The following C1orf21 variants were observed in gnomAD, a reference collection of about 807,000 sequenced individuals.
C1orf21 encodes chromosome 1 open reading frame 21.
In C1orf21, 3 loss-of-function variants were observed where a neutral mutation model predicts 18.7. The ratio of observed to expected loss-of-function variants is 0.16; its 90% confidence interval spans 0.07 to 0.42. The LOEUF is 0.42. C1orf21 is among the 10% of genes least tolerant of loss of function. The pLI, the probability that C1orf21 is intolerant of heterozygous loss-of-function variation, is 0.99. For missense variants in C1orf21, 104 were observed against 143.6 expected (o/e 0.72, Z 1.41); for synonymous variants, 41 against 46.4 (o/e 0.88, Z 0.47).
At chr1:184,422,144 G>T (rs1009968155) in intron 1 of C1orf21, among the ~76,000 whole-genome samples, 2 of 152,162 alleles carry the variant, frequency 1.3e-5, no homozygotes, top group African/African-American at 4.8e-5. Flanking sequence ...AGAGTATCAG[G>T]CAGAAAAAGG....
chr1:184,610,333 A>G (rs1172707767), intron 5 of C1orf21, among the ~76,000 whole-genome samples: 2 of 152,222 alleles, frequency 1.3e-5, no homozygotes, highest in African/African-American at 4.8e-5. Flanking sequence ...CAGTGAGACC[A>G]TATGGAATGG....
intron 1 of C1orf21, chr1:184,412,298 T>A (rs960977647): frequency 6.6e-6 from 1 of 152,252 alleles, no homozygotes; most frequent in Non-Finnish European, 1.5e-5. Flanking sequence ...AGGGATAGAT[T>A]ACAGACTCAG....
chr1:184,498,596 G>A (rs1246260529), intron 2 of C1orf21, among the ~76,000 whole-genome samples: 1 of 152,160 alleles, frequency 6.6e-6, no homozygotes, highest in African/African-American at 2.4e-5. Context: ...AACAACTCAT[G>A]TTTTAGGTCC....
intron 2 of C1orf21, among the ~76,000 whole-genome samples, chr1:184,480,664 T>G (rs1294709370): frequency 6.6e-6 from 1 of 152,216 alleles, no homozygotes; most frequent in African/African-American, 2.4e-5. Context: ...GAGCGAGGTC[T>G]GGCATAAAGA....
rs1359237407 is a variant in C1orf21, at chr1:184,410,620, T to TGGCA, written c.-125+23252_-125+23253insGGCA. Among the ~76,000 whole-genome samples, 4 of 4,394 alleles carry TGGCA rather than the reference T, an allele frequency of 9.1e-4. 1 individual carries two copies. The African/African-American group carries it at 0.021, about 23-fold the overall frequency. The allele number at this position is 4,394 out of a possible 152,430, so 2.9% of individuals were successfully genotyped here. On this transcript the variant is annotated intron_variant, in intron 1 of 5. Transcript: ENST00000235307. ...AAAGATTAATTTGCCATATATATTA[T>TGGCA]ATATATATATATATATATATATATA... is the stretch of plus-strand genomic sequence containing the variant.
At chr1:184,410,237 T>C (rs1378420570) in intron 1 of C1orf21, among the ~76,000 whole-genome samples, 1 of 152,164 alleles carries the variant, frequency 6.6e-6, no homozygotes, top group Non-Finnish European at 1.5e-5. Flanking sequence ...TAGGTGAAGA[T>C]GTTTCAAGAA....
At chr1:184,438,257 G>T (rs767881323) in intron 1 of C1orf21, among the ~76,000 whole-genome samples, 1 of 151,716 alleles carries the variant, frequency 6.6e-6, no homozygotes, top group African/African-American at 2.4e-5. Flanking sequence ...ACTCTGTGTT[G>T]CCCTGAAAGT....
chr1:184,510,938 G>T (rs185267966), intron 3 of C1orf21, among the ~76,000 whole-genome samples: 1 of 152,298 alleles, frequency 6.6e-6, no homozygotes, highest in East Asian at 1.9e-4. Context: ...GGCAGGGAGA[G>T]TAGAAAAGAT....
intron 2 of C1orf21, among the ~76,000 whole-genome samples, chr1:184,499,360 A>G (rs1017294537): frequency 3.3e-5 from 5 of 152,196 alleles, no homozygotes; most frequent in Non-Finnish European, 5.9e-5. Context: ...TTCTCCTTTT[A>G]GATGCAGTGG....
At chr1:184,412,882 C>G (rs1177383983) in intron 1 of C1orf21, among the ~76,000 whole-genome samples, 2 of 152,138 alleles carry the variant, frequency 1.3e-5, no homozygotes, top group African/African-American at 2.4e-5. Flanking sequence ...GCAGCAGTTC[C>G]TACAACTGAG....
At chr1:184,592,974 A>G (rs1310511259) in intron 4 of C1orf21, among the ~76,000 whole-genome samples, 1 of 151,976 alleles carries the variant, frequency 6.6e-6, no homozygotes, top group African/African-American at 2.4e-5. Flanking sequence ...TATGGCCGCA[A>G]CCTCCCTAGC....
At chr1:184,473,627 A>G (rs1657526731) in intron 1 of C1orf21, among the ~76,000 whole-genome samples, 1 of 152,202 alleles carries the variant, frequency 6.6e-6, no homozygotes, top group African/African-American at 2.4e-5. Context: ...TTCGGTAGAA[A>G]TGAAACCTTG....
intron 3 of C1orf21, among the ~76,000 whole-genome samples, chr1:184,538,286 G>A (rs2101976335): frequency 6.6e-6 from 1 of 152,226 alleles, no homozygotes; most frequent in South Asian, 2.1e-4. Context: ...GTCTATTCAA[G>A]TCCTTTTCCA....
chr1:184,619,688 C>T lies in C1orf21; in HGVS notation c.*132C>T, dbSNP rs551119843. On this transcript the variant is annotated 3_prime_UTR_variant, in exon 6 of 6. Transcript: ENST00000235307. ...AAAGAAGATCGTTCCATATTGTACG[C>T]CCCATTAAATTACAGTGTTTCTTAA... The T allele has an allele frequency of 2.0e-5, 14 of 693,086 alleles. No individual in the cohort carries two copies. The Admixed American group carries it at 4.0e-4, about 20-fold the overall frequency. 42.9% of individuals were successfully genotyped at this position (693,086 alleles called of 1,614,324 possible).
intron 3 of C1orf21, among the ~76,000 whole-genome samples, chr1:184,590,088 G>A (rs1224545290): frequency 1.3e-5 from 2 of 152,192 alleles, no homozygotes; most frequent in Non-Finnish European, 2.9e-5. Context: ...CAGAGCAGTA[G>A]TATTATTGAG....
rs148278853 is a variant in C1orf21 at position 184,387,636 on chromosome 1, G to T, written c.-125+268G>T. Among the ~76,000 whole-genome samples, 5,891 of 152,174 alleles carry T rather than the reference G, an allele frequency of 0.039. 128 individuals carry two copies. The highest frequency in any genetic ancestry group is 0.052 in the Non-Finnish European group (3,528 of 67,962). On this transcript the variant is annotated intron_variant, in intron 1 of 5. Transcript: ENST00000235307. This position sits in a 1 kb window ranked among gnomAD's most constrained non-coding sequence, Gnocchi z 5.6. ...GGCGTCTGCCGGCCTGGGCGGAGGG[G>T]CTGGGATGTGGTCGGGGCTGCTGAC...
At chr1:184,598,658 G>A (rs544935526) in intron 5 of C1orf21, among the ~76,000 whole-genome samples, 197 bp downstream of exon 5, 1 of 152,238 alleles carries the variant, frequency 6.6e-6, no homozygotes, top group South Asian at 2.1e-4. Context: ...ACACTCCCAG[G>A]ACCCAGGACT....
chr1:184,574,700 G>C (rs1659161917), intron 3 of C1orf21, among the ~76,000 whole-genome samples: 1 of 152,182 alleles, frequency 6.6e-6, no homozygotes, highest in African/African-American at 2.4e-5. Flanking sequence ...AGGACCTAGG[G>C]CGTGAAAAAG....
intron 1 of C1orf21, among the ~76,000 whole-genome samples, chr1:184,460,676 CTTCTTCTTCTTT>C (rs1657293257): frequency 9.6e-6 from 1 of 103,636 alleles, no homozygotes; most frequent in Admixed American, 1.0e-4. Flanking sequence ...TCTTCTTCTT[CTTCTTCTTCTTT>C]CTTCTTTCTT....
Sources: gnomAD v4.1 joint callset for allele counts (sites outside exome capture counted in the v4.1 genomes callset) on GRCh38, gnomAD v4.1.1 for gene constraint, Gnocchi (gnomAD v3.1) non-coding constraint, MANE v1.5 for transcripts, NCBI Gene and HGNC (gene_info 2026-07-23, HGNC 2026-07-21) for gene names.